The following FOXN3 variants were observed in gnomAD, a reference collection of about 807,000 sequenced individuals.
FOXN3 encodes forkhead box N3.
Under a neutral mutation model 38.4 loss-of-function variants are expected in FOXN3, and 7 were observed. The ratio of observed to expected loss-of-function variants is 0.18; its 90% CI spans 0.10 to 0.34. The LOEUF (loss-of-function observed/expected upper bound fraction) is 0.34. Among genes scored for constraint, FOXN3 ranks in the 10% least tolerant of loss-of-function variants. The pLI is 1.00. For missense variants in FOXN3, 456 were observed against 613.4 expected (o/e 0.74, Z 2.71); for synonymous variants, 230 against 242.2 (o/e 0.95, Z 0.47).
At chr14:89,305,552 A>AT (rs1311909676) in intron 3 of FOXN3, among the ~76,000 whole-genome samples, 1 of 152,202 alleles carries the variant, frequency 6.6e-6, no homozygotes, top group Non-Finnish European at 1.5e-5. Context: ...TTTAACTATC[A>AT]TTTTTTGTTA....
At chr14:89,491,961 G>C (rs1237598947) in intron 1 of FOXN3, among the ~76,000 whole-genome samples, 3 of 152,150 alleles carry the variant, frequency 2.0e-5, no homozygotes, top group Non-Finnish European at 4.4e-5. Flanking sequence ...AAATAGCATA[G>C]ACGGGTGTTT....
At chr14:89,458,030 C>CA (rs11445763) in intron 1 of FOXN3, among the ~76,000 whole-genome samples, 17,406 of 51,046 alleles carry the variant, frequency 0.34, 2,259 homozygotes, top group Middle Eastern at 0.41. Flanking sequence ...AACTCCATCT[C>CA]AAAAAAAAAA....
Position 89,548,768 on chromosome 14 carries a change from C to A in FOXN3, c.-15+70260G>T, listed in dbSNP as rs151210935. Among the ~76,000 whole-genome samples the A allele has an allele frequency of 2.6e-3, 393 of 152,166 alleles. 22 individuals are homozygous for A. In the East Asian group the frequency reaches 0.057, roughly 22 times the overall value. On this transcript the variant is annotated intron_variant, in intron 1 of 6. Transcript: ENST00000345097. This position sits in a 1 kb window ranked among gnomAD's most constrained non-coding sequence, Gnocchi z 4.8. Reference sequence around the variant, plus strand: ...TTGTTTTCAAATACCTGCTCACAGCCAATACTGGTCAGTGACAAAGTTTTC... The same window carrying A: ...TTGTTTTCAAATACCTGCTCACAGCAAATACTGGTCAGTGACAAAGTTTTC...
At chr14:89,615,116 A>AATTT (rs1555362717) in intron 1 of FOXN3, among the ~76,000 whole-genome samples, 1 of 106,784 alleles carries the variant, frequency 9.4e-6, no homozygotes, top group African/African-American at 3.6e-5. Flanking sequence ...CCCAATTTCG[A>AATTT]TTTTTTTTTT....
chr14:89,562,795 A>G (rs1895276548), intron 1 of FOXN3, among the ~76,000 whole-genome samples: 1 of 152,192 alleles, frequency 6.6e-6, no homozygotes, highest in Non-Finnish European at 1.5e-5. Flanking sequence ...ATCAAAAGAA[A>G]ATGAATTTGT....
At chr14:89,452,338 G>A (rs1892630076) in intron 1 of FOXN3, among the ~76,000 whole-genome samples, 1 of 152,184 alleles carries the variant, frequency 6.6e-6, no homozygotes, top group Non-Finnish European at 1.5e-5. Flanking sequence ...TGGTGCCTGA[G>A]TGGAGCTGCT....
intron 1 of FOXN3, among the ~76,000 whole-genome samples, chr14:89,569,550 C>T (rs1285896890): frequency 6.6e-6 from 1 of 152,236 alleles, no homozygotes; most frequent in African/African-American, 2.4e-5. Flanking sequence ...TACCTGGACA[C>T]ACCACTGACA....
intron 3 of FOXN3, among the ~76,000 whole-genome samples, chr14:89,285,994 G>A (rs1156244118): frequency 6.6e-6 from 1 of 151,738 alleles, no homozygotes; most frequent in African/African-American, 2.4e-5. Context: ...AGCCCTCAGA[G>A]TAGCTGGGAC....
chr14:89,301,523 A>G (rs1347489045), intron 3 of FOXN3, among the ~76,000 whole-genome samples: 1 of 151,876 alleles, frequency 6.6e-6, no homozygotes, highest in Non-Finnish European at 1.5e-5. Context: ...TAATCCCAGC[A>G]CTTTGGGAGG....
intron 4 of FOXN3, among the ~76,000 whole-genome samples, chr14:89,228,042 G>A (rs1029114861): frequency 6.6e-6 from 1 of 152,132 alleles, no homozygotes. Context: ...GCCTGGCCAG[G>A]GAGACTGTTA....
intron 4 of FOXN3, among the ~76,000 whole-genome samples, chr14:89,219,757 T>C (rs1413747619): frequency 6.6e-6 from 1 of 152,224 alleles, no homozygotes; most frequent in Non-Finnish European, 1.5e-5. Context: ...GCCTGGTTTG[T>C]AGGCATTGTC....
chr14:89,299,248 C>T (rs1361083727), intron 3 of FOXN3, among the ~76,000 whole-genome samples: 1 of 152,110 alleles, frequency 6.6e-6, no homozygotes, highest in African/African-American at 2.4e-5. Context: ...GGGGCGGTTT[C>T]CCCCATACTA....
intron 1 of FOXN3, chr14:89,576,259 G>C (rs1895614905): frequency 6.6e-6 from 1 of 152,144 alleles, no homozygotes. Flanking sequence ...GACTTCGCCG[G>C]GTGCCTTTCA....
At chr14:89,171,973 A>T (rs1349924087) in intron 5 of FOXN3, among the ~76,000 whole-genome samples, 1 of 152,224 alleles carries the variant, frequency 6.6e-6, no homozygotes, top group African/African-American at 2.4e-5. Flanking sequence ...GAATCTATAA[A>T]CTGTTAGAGT....
At chr14:89,530,326 C>T (rs1001978900) in intron 1 of FOXN3, among the ~76,000 whole-genome samples, 40 of 152,170 alleles carry the variant, frequency 2.6e-4, no homozygotes, top group African/African-American at 9.6e-4. Context: ...TGGTGGAAGG[C>T]AAAGGAGAAG....
intron 1 of FOXN3, among the ~76,000 whole-genome samples, chr14:89,490,481 C>T (rs1893549882): frequency 6.6e-6 from 1 of 152,214 alleles, no homozygotes; most frequent in Admixed American, 6.5e-5. Flanking sequence ...GTCGGCTAAG[C>T]TAGGTCCACA....
chr14:89,411,867 TA>T (rs1395797879), intron 2 of FOXN3, 66 bp downstream of exon 2: 16 of 1,095,084 alleles, frequency 1.5e-5, no homozygotes, highest in Admixed American at 3.0e-5. Context: ...AATTCATTTT[TA>T]ATAGAGAAAA....
intron 1 of FOXN3, among the ~76,000 whole-genome samples, chr14:89,435,151 G>A (rs1226552159): frequency 2.0e-5 from 3 of 152,158 alleles, no homozygotes; most frequent in Non-Finnish European, 4.4e-5. Flanking sequence ...GGAGGCTGCG[G>A]AGGGGAGGAT....
In FOXN3 at chr14:89,360,704, CACCTCCAGCACT is replaced by C. The variant is rs1465840863; in HGVS notation, c.544-9908_544-9897del. On this transcript the variant is annotated intron_variant, in intron 2 of 5. Coordinates refer to ENST00000557258, the MANE Select transcript of FOXN3 (RefSeq NM_005197.4). ...CACAAAACTCATCCTCAGCTACCAC[CACCTCCAGCACT>C]ACCTCCACCACCACCACCTCCAGCA... 2.2e-4 allele frequency among the ~76,000 whole-genome samples: 33 copies of C among 146,790 alleles called. 1 individual carries two copies. The highest frequency in any genetic ancestry group is 1.1e-3 in the South Asian group (5 of 4,662).
Sources: gnomAD v4.1 joint callset for allele counts (sites outside exome capture counted in the v4.1 genomes callset) on GRCh38, gnomAD v4.1.1 for gene constraint, Gnocchi (gnomAD v3.1) non-coding constraint, MANE v1.5 for transcripts, NCBI Gene and HGNC (gene_info 2026-07-23, HGNC 2026-07-21) for gene names.